Variants in NRG4 observed in about 807,000 individuals in gnomAD.
NRG4 encodes pro-neuregulin-4, membrane-bound isoform.
In NRG4, 10 loss-of-function variants were observed where a neutral mutation model predicts 15.0. The ratio of observed to expected loss-of-function variants is 0.67; its 90% CI spans 0.41 to 1.13. The LOEUF is 1.13. Ranked by LOEUF, NRG4 falls within the 50% of genes most tolerant of loss-of-function variation. The pLI, the probability that NRG4 is intolerant of heterozygous loss-of-function variation, is 0.00. For missense variants in NRG4, 139 were observed against 140.2 expected, an observed-to-expected ratio of 0.99 and a Z score of 0.04; for synonymous variants, 41 against 50.1, an observed-to-expected ratio of 0.82 and a Z score of 0.77.
downstream of NRG4, chr15:75,937,181 A>G (rs1345927338): frequency 6.6e-6 from 1 of 151,862 alleles, no homozygotes; most frequent in Non-Finnish European, 1.5e-5. Flanking sequence ...TGGACTAGGA[A>G]GCTGCAAGCT....
intron 5 of NRG4, among the ~76,000 whole-genome samples, chr15:76,030,981 TA>T (rs1206846486): frequency 6.6e-6 from 1 of 152,074 alleles, no homozygotes; most frequent in Non-Finnish European, 1.5e-5. Context: ...AAAAAATCCT[TA>T]AAAAATTAGC....
At chr15:75,938,262 A>C (rs373883170), downstream of NRG4, 1 of 152,226 alleles carries the variant, frequency 6.6e-6, no homozygotes, top group Non-Finnish European at 1.5e-5. Flanking sequence ...AACTCTCAAA[A>C]CAAATGGATG....
chr15:75,955,986 A>C lies in NRG4; in HGVS notation c.277T>G (p.Ser93Ala). ...CRKGHFQRAS[S>A]VQYDINLVET... ...ACCAGGTTGATATCATACTGGACTGAACTGGCTCTCTGAAAGTGGCCTTTC... is the reference window on the plus strand; with the variant it reads ...ACCAGGTTGATATCATACTGGACTGCACTGGCTCTCTGAAAGTGGCCTTTC... Residue 93 changes from serine (S) to alanine (A), a missense_variant, in exon 5 of 6, where the codon TCA becomes GCA. By Grantham distance (99) the Ser-to-Ala change is moderately conservative (BLOSUM62 1). Coordinates refer to ENST00000394907, the MANE Select transcript of NRG4 (RefSeq NM_138573.4). 1 of 1,611,698 alleles carries C rather than the reference A, an allele frequency of 6.2e-7. No homozygotes were observed. The highest frequency in any genetic ancestry group is 8.5e-7 in the Non-Finnish European group (1 of 1,177,856).
chr15:75,965,926 A>G (rs534418331), intron 3 of NRG4, among the ~76,000 whole-genome samples: 1 of 152,324 alleles, frequency 6.6e-6, no homozygotes, highest in African/African-American at 2.4e-5. Context: ...TCTGGACCTT[A>G]CTTCTGCACA....
intron 4 of NRG4, among the ~76,000 whole-genome samples, chr15:76,051,251 C>T (rs1489173958): frequency 3.3e-5 from 5 of 149,588 alleles, no homozygotes; most frequent in East Asian, 2.0e-4. Context: ...GTGATCCGCC[C>T]GCCTCGGCCT....
upstream of NRG4, among the ~76,000 whole-genome samples, chr15:76,013,731 C>T (rs1299349892): frequency 1.3e-5 from 2 of 152,132 alleles, no homozygotes; most frequent in Non-Finnish European, 1.5e-5. Context: ...TTTTCTTTAT[C>T]CAGTCTATCA....
upstream of NRG4, among the ~76,000 whole-genome samples, chr15:76,014,403 C>T (rs2034911384): frequency 2.0e-5 from 3 of 152,158 alleles, no homozygotes; most frequent in African/African-American, 7.2e-5. Flanking sequence ...GTGTTTTAGT[C>T]ACGAAGTCTT....
downstream of NRG4, chr15:75,937,798 G>A (rs1004023748): frequency 6.6e-6 from 1 of 152,182 alleles, no homozygotes. Context: ...TTGAAGGACT[G>A]ACACAAGGTC....
At chr15:76,005,745 A>G (rs1220656814) in intron 3 of NRG4, 6 of 424,518 alleles carry the variant, frequency 1.4e-5, no homozygotes, top group African/African-American at 1.2e-4. Flanking sequence ...ACCTCTTACT[A>G]TTCATTAAGT....
chr15:75,958,794 C>G (rs2032369725), intron 4 of NRG4, among the ~76,000 whole-genome samples: 1 of 152,090 alleles, frequency 6.6e-6, no homozygotes, highest in African/African-American at 2.4e-5. Flanking sequence ...AGAAATATTT[C>G]TAAGTTCTGG....
intron 5 of NRG4, among the ~76,000 whole-genome samples, chr15:76,023,183 C>CAA (rs1555438525): frequency 0.047 from 5,229 of 112,386 alleles, 182 homozygotes; most frequent in South Asian, 0.075. Context: ...CACACACACA[C>CAA]AAGCAAGGAC....
At chr15:75,953,675 T>C (rs180898600) in intron 5 of NRG4, among the ~76,000 whole-genome samples, 1 of 152,348 alleles carries the variant, frequency 6.6e-6, no homozygotes, top group Admixed American at 6.5e-5. Flanking sequence ...TTTAAGACTT[T>C]ATCACTGGTT....
rs145155383 is a variant in NRG4, at chr15:76,047,039, G to T, written c.-105+5028C>A. ...ATTTCTCAAAAGAAGACATACAAAT[G>T]GTCAACATGTGTATTAAAAAAAACA... On this transcript the variant is annotated intron_variant, in intron 4 of 8. Coordinates refer to the NRG4 transcript ENST00000563910. 5.8e-3 allele frequency among the ~76,000 whole-genome samples: 868 copies of T among 150,578 alleles called. 61 individuals are homozygous for T. The highest frequency in any genetic ancestry group is 0.02 in the African/African-American group (824 of 40,340).
At chr15:75,978,495 C>T (rs1361381269) in intron 3 of NRG4, among the ~76,000 whole-genome samples, 1 of 152,162 alleles carries the variant, frequency 6.6e-6, no homozygotes, top group East Asian at 1.9e-4. Context: ...GTGAATAGTG[C>T]TGCAATAAAC....
At chr15:75,988,297 T>C (rs1259967351) in intron 3 of NRG4, among the ~76,000 whole-genome samples, 1 of 152,198 alleles carries the variant, frequency 6.6e-6, no homozygotes, top group Non-Finnish European at 1.5e-5. Context: ...GTGATTCTCC[T>C]GCCTCAGCCT....
In NRG4 at chr15:76,009,189, A is replaced by G; in HGVS notation, c.104+11T>C. The G allele has an allele frequency of 7.4e-7, 1 of 1,353,554 alleles. No homozygotes were observed. Among genetic ancestry groups the G allele is most frequent in the Non-Finnish European group, 1.1e-6 (1 of 941,940 alleles). The allele number at this position is 1,353,554 out of a possible 1,614,324, so 83.8% of individuals were successfully genotyped here. ...TAAAGTTAACATCTCCCCCTAGTCC[A>G]TTTCACTCACCTACAAAATGGGCTG... On this transcript the variant is annotated intron_variant, in intron 3 of 5. Transcript: ENST00000394907.
At chr15:76,030,270 C>CA (rs969768964) in intron 5 of NRG4, among the ~76,000 whole-genome samples, 12 of 151,072 alleles carry the variant, frequency 7.9e-5, no homozygotes, top group African/African-American at 2.5e-4. Context: ...AAAACAACAA[C>CA]AACAAACAAA....
intron 5 of NRG4, among the ~76,000 whole-genome samples, chr15:76,025,338 C>G (rs1480366092): frequency 6.6e-6 from 1 of 152,066 alleles, no homozygotes; most frequent in Admixed American, 6.5e-5. Flanking sequence ...ACTTGGGAGG[C>G]AGAGGCAGGA....
At chr15:76,041,216 C>T (rs1349229346) in intron 4 of NRG4, among the ~76,000 whole-genome samples, 1 of 151,576 alleles carries the variant, frequency 6.6e-6, no homozygotes, top group Non-Finnish European at 1.5e-5. Context: ...AAATCACCTT[C>T]ACTAAAAGGA....
Sources: gnomAD v4.1 joint callset for allele counts (sites outside exome capture counted in the v4.1 genomes callset) on GRCh38, gnomAD v4.1.1 for gene constraint, MANE v1.5 for transcripts, NCBI Gene and HGNC (gene_info 2026-07-23, HGNC 2026-07-21) for gene names.